Variants in POFUT3 observed in about 807,000 individuals in gnomAD.
The protein encoded by POFUT3 is GDP-fucose protein O-fucosyltransferase 3.
the POFUT3 span, chr8:33,436,841 A>C: frequency 4.7e-6 from 2 of 421,628 alleles, no homozygotes; most frequent in Non-Finnish European, 4.3e-6. Context: ...GCTGAAGTTT[A>C]GGGTATGAAT....
At chr8:33,464,022 T>C in the POFUT3 span, among the ~76,000 whole-genome samples, 1 of 152,192 alleles carries the variant, frequency 6.6e-6, no homozygotes, top group African/African-American at 2.4e-5. Flanking sequence ...ATTCCCCAGC[T>C]GGCTTAACCT....
At chr8:33,337,224 T>C in the POFUT3 span, among the ~76,000 whole-genome samples, 1 of 152,104 alleles carries the variant, frequency 6.6e-6, no homozygotes, top group Non-Finnish European at 1.5e-5. Context: ...ACCGGAAAAA[T>C]CTATAGATCA....
At chr8:33,435,500 GC>G in the POFUT3 span, among the ~76,000 whole-genome samples, 1 of 150,066 alleles carries the variant, frequency 6.7e-6, no homozygotes, top group Non-Finnish European at 1.5e-5. Flanking sequence ...ACAGGCGTGA[GC>G]CACCGCGCCC....
chr8:33,313,357 C>T, the POFUT3 span, among the ~76,000 whole-genome samples: 1 of 152,120 alleles, frequency 6.6e-6, no homozygotes, highest in Non-Finnish European at 1.5e-5. Flanking sequence ...ATGTGTCATT[C>T]CTCAGAATGC....
At chr8:33,314,160 C>G in the POFUT3 span, among the ~76,000 whole-genome samples, 1 of 152,164 alleles carries the variant, frequency 6.6e-6, no homozygotes, top group Non-Finnish European at 1.5e-5. Context: ...GATGGCAGCT[C>G]ATGTTTCTGT....
At chr8:33,310,706 AAT>A in the POFUT3 span, among the ~76,000 whole-genome samples, 3 of 151,242 alleles carry the variant, frequency 2.0e-5, 1 homozygote, top group Non-Finnish European at 3.0e-5. Flanking sequence ...AAAAAAAAAA[AAT>A]ATCTCCCACA....
At chr8:33,433,821 A>G in the POFUT3 span, among the ~76,000 whole-genome samples, 1,506 of 151,986 alleles carry the variant, frequency 9.9e-3, 24 homozygotes, top group African/African-American at 0.034. Context: ...TTAAAAAATT[A>G]ACTAGGCATG....
At chr8:33,459,517 C>A in the POFUT3 span, among the ~76,000 whole-genome samples, 5 of 151,568 alleles carry the variant, frequency 3.3e-5, no homozygotes, top group Admixed American at 2.6e-4. Flanking sequence ...TAGTACACAC[C>A]TATAGTCTCA....
chr8:33,463,060 A>G, the POFUT3 span, among the ~76,000 whole-genome samples: 1 of 152,174 alleles, frequency 6.6e-6, no homozygotes, highest in Non-Finnish European at 1.5e-5. Context: ...AACTTTCCAG[A>G]GGAAGGGCAA....
the POFUT3 span, among the ~76,000 whole-genome samples, chr8:33,399,378 T>C: frequency 2.6e-5 from 4 of 152,228 alleles, no homozygotes; most frequent in South Asian, 6.2e-4. Context: ...GGTTCACCTA[T>C]GAATATTATT....
chr8:33,425,186 A>C, the POFUT3 span, among the ~76,000 whole-genome samples: 1 of 151,996 alleles, frequency 6.6e-6, no homozygotes, highest in South Asian at 2.1e-4. Flanking sequence ...AAAATTTTTT[A>C]ATTAGGTCAT....
chr8:33,439,435 T>C, the POFUT3 span, among the ~76,000 whole-genome samples: 1 of 152,070 alleles, frequency 6.6e-6, no homozygotes. Context: ...GTGGTTTCCA[T>C]GTTCCTGTTC....
At chr8:33,308,288 A>T in the POFUT3 span, among the ~76,000 whole-genome samples, 1 of 152,224 alleles carries the variant, frequency 6.6e-6, no homozygotes, top group East Asian at 1.9e-4. Context: ...AAGGAGATAA[A>T]AATTGAATCA....
chr8:33,352,666 CTT>C, the POFUT3 span, among the ~76,000 whole-genome samples: 1 of 152,116 alleles, frequency 6.6e-6, no homozygotes, highest in Admixed American at 6.5e-5. Context: ...GTCATGGTTT[CTT>C]TGAGAGGCAG....
the POFUT3 span, among the ~76,000 whole-genome samples, chr8:33,353,657 A>G: frequency 1.3e-5 from 2 of 152,174 alleles, no homozygotes; most frequent in African/African-American, 4.8e-5. Flanking sequence ...TTGAGCAATC[A>G]CTAGTTTTGG....
At chr8:33,450,635 T>C in the POFUT3 span, among the ~76,000 whole-genome samples, 48 of 152,282 alleles carry the variant, frequency 3.2e-4, no homozygotes, top group African/African-American at 1.1e-3. Flanking sequence ...TGGAGTCAGA[T>C]TACACAGAGC....
the POFUT3 span, among the ~76,000 whole-genome samples, chr8:33,395,414 G>A: frequency 2.0e-5 from 3 of 152,060 alleles, no homozygotes; most frequent in East Asian, 3.9e-4. Context: ...AGAGGAGTTC[G>A]GCCAGGGACG....
the POFUT3 span, among the ~76,000 whole-genome samples, chr8:33,363,700 C>T: frequency 3.9e-5 from 6 of 152,176 alleles, no homozygotes; most frequent in African/African-American, 1.4e-4. Context: ...GACACATACA[C>T]CCTCCCAAGA....
the POFUT3 span, among the ~76,000 whole-genome samples, chr8:33,391,368 G>A: frequency 6.6e-6 from 1 of 152,290 alleles, no homozygotes; most frequent in African/African-American, 2.4e-5. Context: ...TGGCAATGAC[G>A]TACTAACGTA....
Sources: allele counts gnomAD v4.1 joint callset (sites outside exome capture counted in the v4.1 genomes callset), GRCh38; gene constraint gnomAD v4.1.1; transcripts MANE v1.5; gene names NCBI Gene and HGNC (gene_info 2026-07-23, HGNC 2026-07-21).